Variants in CACNB4 observed in about 807,000 individuals in gnomAD.
CACNB4 encodes the protein calcium voltage-gated channel auxiliary subunit beta 4.
CACNB4 carries 32 observed loss-of-function variants against 71.2 expected under a neutral mutation model. That is an observed-to-expected ratio of 0.45 (90% CI 0.34 to 0.60). CACNB4 has a LOEUF of 0.60. Ranked by LOEUF, CACNB4 falls within the 20% of genes least tolerant of loss-of-function variation. CACNB4 has a pLI of 0.01. For synonymous variants in CACNB4, 231 were observed against 236.9 expected, an observed-to-expected ratio of 0.97 and a Z score of 0.23; for missense variants, 464 against 647.9, an observed-to-expected ratio of 0.72 and a Z score of 3.08.
At chr2:151,947,099 C>T (rs1391421788) in intron 2 of CACNB4, among the ~76,000 whole-genome samples, 1 of 152,274 alleles carries the variant, frequency 6.6e-6, no homozygotes, top group African/African-American at 2.4e-5. Context: ...GAAAAAGCAA[C>T]CCCATGAAAA....
At chr2:152,088,514 C>T (rs1687795388) in intron 2 of CACNB4, among the ~76,000 whole-genome samples, 1 of 152,178 alleles carries the variant, frequency 6.6e-6, no homozygotes, top group Non-Finnish European at 1.5e-5. Flanking sequence ...ATATTCTTTT[C>T]AAGTTTATGT....
Position 151,860,830 on chromosome 2 carries a change from G to A in CACNB4, c.759-10C>T. 1.3e-6 allele frequency: 2 copies of A among 1,557,784 alleles called. No individual in the cohort carries two copies. The highest frequency in any genetic ancestry group is 1.8e-6 in the Non-Finnish European group (2 of 1,128,834). ...TCTCGTTATTGAAATCCTATGAATA[G>A]GAACACAGAACAGAACAAGCCAGTA... On this transcript the variant is annotated splice_polypyrimidine_tract_variant and intron_variant, in intron 9 of 13. Transcript: ENST00000539935.
chr2:151,856,169 G>A (rs1459731651), intron 10 of CACNB4, among the ~76,000 whole-genome samples: 1 of 147,870 alleles, frequency 6.8e-6, no homozygotes, highest in East Asian at 2.0e-4. Flanking sequence ...TTTTTTTAAG[G>A]AAAACAGATA....
rs74735053 is a variant in CACNB4 at position 151,882,887 on chromosome 2, C to T, written c.267+364G>A. ...GGGCGATCCACAGAACAACAGCACACGTGTGGCCTGTAATAAAGGCTGAAG... is the reference window on the plus strand; with the variant it reads ...GGGCGATCCACAGAACAACAGCACATGTGTGGCCTGTAATAAAGGCTGAAG... On this transcript the variant is annotated intron_variant, in intron 3 of 13. Coordinates refer to ENST00000539935, the MANE Select transcript of CACNB4 (RefSeq NM_000726.5). 5.3e-3 allele frequency: 1,760 copies of T among 332,022 alleles called. 27 individuals are homozygous for T. The highest frequency in any genetic ancestry group is 0.033 in the African/African-American group (1,552 of 46,888). 20.6% of individuals were successfully genotyped at this position (332,022 alleles called of 1,614,324 possible).
At chr2:152,065,400 A>G (rs1038225112) in intron 2 of CACNB4, among the ~76,000 whole-genome samples, 27 of 151,336 alleles carry the variant, frequency 1.8e-4, no homozygotes, top group South Asian at 6.3e-4. Context: ...AAAAAAAAAA[A>G]AGAGAGAGAG....
intron 2 of CACNB4, among the ~76,000 whole-genome samples, chr2:151,988,908 G>A (rs1420232207): frequency 6.6e-6 from 1 of 152,126 alleles, no homozygotes; most frequent in Non-Finnish European, 1.5e-5. Context: ...TATCTATTAT[G>A]AGTTTTTTCC....
intron 2 of CACNB4, among the ~76,000 whole-genome samples, chr2:152,046,875 G>T (rs933324513): frequency 1.6e-4 from 25 of 152,254 alleles, no homozygotes; most frequent in African/African-American, 5.5e-4. Context: ...TTAGGAAAAA[G>T]GGTCTCTGAC....
intron 2 of CACNB4, among the ~76,000 whole-genome samples, chr2:152,075,677 A>G (rs897379244): frequency 2.0e-5 from 3 of 151,732 alleles, no homozygotes; most frequent in African/African-American, 4.8e-5. Flanking sequence ...ACACACACAG[A>G]CTCCTGCTAA....
chr2:151,987,760 T>C (rs1256982652), intron 2 of CACNB4, among the ~76,000 whole-genome samples: 1 of 152,214 alleles, frequency 6.6e-6, no homozygotes, highest in African/African-American at 2.4e-5. Flanking sequence ...CTAACTCAGA[T>C]AACTTAGTAC....
At chr2:151,925,376 C>T (rs576045000) in intron 2 of CACNB4, among the ~76,000 whole-genome samples, 1 of 152,122 alleles carries the variant, frequency 6.6e-6, no homozygotes, top group East Asian at 1.9e-4. Context: ...AATTTCTGAA[C>T]GTCCTTTAAA....
chr2:152,032,442 T>C (rs1281551930), intron 2 of CACNB4, among the ~76,000 whole-genome samples: 1 of 152,236 alleles, frequency 6.6e-6, no homozygotes, highest in African/African-American at 2.4e-5. Context: ...CAACTATTGA[T>C]GGTGGCACAT....
At chr2:151,994,268 C>T (rs1042253095) in intron 2 of CACNB4, among the ~76,000 whole-genome samples, 3 of 151,986 alleles carry the variant, frequency 2.0e-5, no homozygotes, top group Non-Finnish European at 4.4e-5. Context: ...CTCACTCTGT[C>T]GCCCAGGCTG....
At chr2:151,917,016 T>C (rs1258311665) in intron 2 of CACNB4, among the ~76,000 whole-genome samples, 1 of 152,222 alleles carries the variant, frequency 6.6e-6, no homozygotes, top group East Asian at 1.9e-4. Flanking sequence ...GTTTGCTTTT[T>C]CAAAATTAAA....
intron 2 of CACNB4, among the ~76,000 whole-genome samples, chr2:152,022,128 A>T (rs1234222218): frequency 6.6e-6 from 1 of 152,206 alleles, no homozygotes; most frequent in Non-Finnish European, 1.5e-5. Flanking sequence ...TCTCTTTGGC[A>T]ATCGGCTTAT....
chr2:152,078,027 C>T (rs1275138136), intron 2 of CACNB4, among the ~76,000 whole-genome samples: 2 of 152,068 alleles, frequency 1.3e-5, no homozygotes, highest in African/African-American at 4.8e-5. Flanking sequence ...AGAGAGACGG[C>T]GGTGGCGCAA....
intron 9 of CACNB4, chr2:151,868,426 GCA>G (rs1171338252): frequency 2.6e-5 from 4 of 152,074 alleles, no homozygotes; most frequent in African/African-American, 9.7e-5. Context: ...ACTGCATTCA[GCA>G]CTGTGAAAGA....
At chr2:151,924,073 CTT>C (rs59036016) in intron 2 of CACNB4, among the ~76,000 whole-genome samples, 269 of 91,442 alleles carry the variant, frequency 2.9e-3, no homozygotes, top group South Asian at 8.6e-3. Context: ...ATTCTGAAAT[CTT>C]TTTTTTTTTT....
At chr2:151,969,265 T>C (rs1442410683) in intron 2 of CACNB4, 4 of 152,230 alleles carry the variant, frequency 2.6e-5, no homozygotes, top group Non-Finnish European at 4.4e-5. Flanking sequence ...GAAGAGATGC[T>C]CTGATCCACC....
rs181889224 is a variant in CACNB4 at position 151,993,479 on chromosome 2, C to T, written c.147+104851G>A. Among the ~76,000 whole-genome samples the T allele has an allele frequency of 2.9e-3, 440 of 151,566 alleles. 4 individuals are homozygous for T. The South Asian group carries it at 0.031, about 11-fold the overall frequency. On this transcript the variant is annotated intron_variant, in intron 2 of 13. Coordinates refer to ENST00000539935, the MANE Select transcript of CACNB4 (RefSeq NM_000726.5). ...TAGGCCAGATGAGGCACACAAATTA[C>T]AAGAGGGGCCAGGTAAGGAACCAGA...
Sources: gnomAD v4.1 joint callset for allele counts (sites outside exome capture counted in the v4.1 genomes callset) on GRCh38, gnomAD v4.1.1 for gene constraint, MANE v1.5 for transcripts, NCBI Gene and HGNC (gene_info 2026-07-23, HGNC 2026-07-21) for gene names.